Variants in AFF3 observed in about 807,000 individuals in gnomAD.
The protein encoded by AFF3 is AF4/FMR2 family member 3.
AFF3 carries 32 observed loss-of-function variants against 129.7 expected under a neutral mutation model. That is an observed-to-expected ratio of 0.25 (90% CI 0.19 to 0.33). AFF3 has a LOEUF of 0.33. Among genes scored for constraint, AFF3 ranks in the 10% least tolerant of loss-of-function variants. The probability of loss-of-function intolerance (pLI) is 1.00; values close to 1 mark genes in which losing one functional copy is unlikely to be tolerated. For missense variants in AFF3, 1,373 were observed against 1,592.0 expected (o/e 0.86, Z 2.34); for synonymous variants, 644 against 635.4 (o/e 1.01, Z -0.20).
At chr2:100,075,784 T>C (rs1688539851) in intron 4 of AFF3, among the ~76,000 whole-genome samples, 1 of 152,174 alleles carries the variant, frequency 6.6e-6, no homozygotes, top group Admixed American at 6.5e-5. Context: ...ACACAGAATA[T>C]TATATTTCAG....
chr2:99,813,496 T>C (rs1222955577), intron 8 of AFF3, among the ~76,000 whole-genome samples: 1 of 152,202 alleles, frequency 6.6e-6, no homozygotes, highest in Non-Finnish European at 1.5e-5. Context: ...AAACCTGACC[T>C]GGAGTACATA....
At chr2:99,805,645 C>G (rs556642679) in intron 8 of AFF3, among the ~76,000 whole-genome samples, 2 of 152,260 alleles carry the variant, frequency 1.3e-5, no homozygotes, top group East Asian at 3.9e-4. Context: ...GCAGGAAAAT[C>G]CCTACTCCTC....
At chr2:99,940,909 A>AT (rs67394871) in intron 7 of AFF3, among the ~76,000 whole-genome samples, 2 of 151,550 alleles carry the variant, frequency 1.3e-5, no homozygotes, top group East Asian at 1.9e-4. Context: ...CCAGCTCGTG[A>AT]TTTTTTTTCT....
At chr2:100,024,561 T>A (rs1025311851) in intron 4 of AFF3, among the ~76,000 whole-genome samples, 2 of 151,854 alleles carry the variant, frequency 1.3e-5, no homozygotes, top group African/African-American at 4.8e-5. Context: ...TGAGCCAAGA[T>A]CATGCCACTG....
chr2:99,771,394 G>C (rs985077553), intron 8 of AFF3, among the ~76,000 whole-genome samples: 7 of 125,084 alleles, frequency 5.6e-5, no homozygotes, highest in African/African-American at 2.2e-4. Flanking sequence ...ATGTATCCCA[G>C]AACTTAAAAA....
intron 11 of AFF3, among the ~76,000 whole-genome samples, chr2:99,699,549 C>T (rs1156672465): frequency 5.3e-5 from 8 of 152,196 alleles, no homozygotes; most frequent in Middle Eastern, 3.2e-3. Flanking sequence ...CTAGGGATAA[C>T]GTAACTTCTG....
intron 13 of AFF3, among the ~76,000 whole-genome samples, chr2:99,644,638 T>G (rs536071001): frequency 6.6e-6 from 1 of 152,378 alleles, no homozygotes; most frequent in South Asian, 2.1e-4. Context: ...ATTTCAAGAT[T>G]GACCTCCAGC....
At chr2:99,815,673 A>AT (rs756790906) in intron 8 of AFF3, among the ~76,000 whole-genome samples, 1 of 148,492 alleles carries the variant, frequency 6.7e-6, no homozygotes, top group South Asian at 2.1e-4. Flanking sequence ...TCTGAAGCAT[A>AT]TTTTTGCTGT....
At chr2:99,685,754 C>A (rs2871316) in intron 11 of AFF3, among the ~76,000 whole-genome samples, 132,958 of 152,266 alleles carry the variant, frequency 0.87, 58,340 homozygotes, top group African/African-American at 0.96. Flanking sequence ...ACTACAGAAT[C>A]GTGTTGCTTC....
chr2:99,999,477 T>G (rs2104666074), intron 7 of AFF3, among the ~76,000 whole-genome samples: 1 of 152,274 alleles, frequency 6.6e-6, no homozygotes, highest in African/African-American at 2.4e-5. Flanking sequence ...AGCAGTACCA[T>G]GAAAATGGGA....
At chr2:99,577,070 C>G (rs900249862) in intron 18 of AFF3, among the ~76,000 whole-genome samples, 10 of 152,178 alleles carry the variant, frequency 6.6e-5, no homozygotes, top group African/African-American at 2.4e-4. Flanking sequence ...GGGCTGCCCT[C>G]AAGCCTTCCT....
At chr2:99,640,076 C>T (rs904376880) in intron 13 of AFF3, among the ~76,000 whole-genome samples, 5 of 152,134 alleles carry the variant, frequency 3.3e-5, no homozygotes, top group African/African-American at 1.2e-4. Flanking sequence ...TCACCTGGGA[C>T]CCAAAGACCC....
intron 7 of AFF3, among the ~76,000 whole-genome samples, chr2:99,996,360 C>T (rs142841465): frequency 6.6e-6 from 1 of 152,016 alleles, no homozygotes. Context: ...GTGATTATTT[C>T]CAGATTATAG....
intron 7 of AFF3, among the ~76,000 whole-genome samples, chr2:99,890,587 C>T (rs964965675): frequency 4.6e-5 from 7 of 152,116 alleles, no homozygotes; most frequent in Non-Finnish European, 8.8e-5. Flanking sequence ...GAGGAAGAAG[C>T]GGGCAACCTC....
chr2:99,788,194 C>T (rs1368126641), intron 8 of AFF3, among the ~76,000 whole-genome samples: 1 of 152,156 alleles, frequency 6.6e-6, no homozygotes, highest in Non-Finnish European at 1.5e-5. Flanking sequence ...GTATTTACTA[C>T]ATTACACTAT....
intron 4 of AFF3, among the ~76,000 whole-genome samples, chr2:100,046,147 C>T (rs1211988985): frequency 6.6e-6 from 1 of 152,132 alleles, no homozygotes; most frequent in Non-Finnish European, 1.5e-5. Context: ...ACAGGAATAA[C>T]AGAATTAACA....
chr2:99,666,431 C>T (rs769282626), intron 12 of AFF3, among the ~76,000 whole-genome samples: 1 of 152,010 alleles, frequency 6.6e-6, no homozygotes, highest in Non-Finnish European at 1.5e-5. Context: ...AAAAATGTTA[C>T]AGACAAATCA....
intron 13 of AFF3, among the ~76,000 whole-genome samples, chr2:99,611,565 C>T (rs949770691): frequency 6.6e-6 from 1 of 151,996 alleles, no homozygotes; most frequent in Admixed American, 6.5e-5. Flanking sequence ...TTTTTTCCCC[C>T]CACGGTGTTT....
In AFF3 at chr2:99,554,449, C is replaced by T. The variant is rs368703010; in HGVS notation, c.3421G>A (p.Ala1141Thr). The stretch of plus-strand genomic sequence containing the variant: ...CTGACGATGGTCGACGGGGACAGGG[C>T]GCTGGCGTTGGAGAGGCTGCCCTGA... ...GSQGSLSNAS[A>T]LSPSTIVSIP... Residue 1141 changes from alanine (A) to threonine (T), a missense_variant, in exon 24 of 25, where the codon GCC (alanine) becomes ACC (threonine). Ala to Thr is a moderately conservative substitution (Grantham distance 58, BLOSUM62 0). Around this residue, in one of 9 missense-constraint regions of AFF3, gnomAD observed 165 missense variants for 234.0 expected, o/e 0.71. Transcript: ENST00000672756. The T allele has an allele frequency of 2.5e-6, 4 of 1,613,858 alleles. No homozygotes were observed. The highest frequency in any genetic ancestry group is 1.3e-5 in the African/African-American group (1 of 74,870).
Sources: allele counts gnomAD v4.1 joint callset (sites outside exome capture counted in the v4.1 genomes callset), GRCh38; gene constraint gnomAD v4.1.1; regional missense constraint gnomAD v4.1.1; transcripts MANE v1.5; gene names NCBI Gene and HGNC (gene_info 2026-07-23, HGNC 2026-07-21).